Variants in SUPT3H observed in about 807,000 individuals in gnomAD.
SUPT3H encodes transcription initiation protein SPT3 homolog.
Under a neutral mutation model 44.3 loss-of-function variants are expected in SUPT3H, and 44 were observed. The observed-to-expected ratio is 0.99, with a 90% CI of 0.78 to 1.28. SUPT3H has a LOEUF of 1.28. Among genes scored for constraint, SUPT3H ranks in the 50% most tolerant of loss-of-function variants. The pLI is 0.00. For synonymous variants in SUPT3H, 124 were observed against 125.6 expected, an observed-to-expected ratio of 0.99 and a Z score of 0.09; for missense variants, 380 against 387.1, an observed-to-expected ratio of 0.98 and a Z score of 0.15.
intron 3 of SUPT3H, among the ~76,000 whole-genome samples, chr6:45,069,457 T>A (rs1341708416): frequency 6.6e-6 from 1 of 152,206 alleles, no homozygotes; most frequent in Non-Finnish European, 1.5e-5. Context: ...TCTGTGGTCC[T>A]AATATTACTT....
At chr6:44,860,112 T>C (rs1180004126) in intron 10 of SUPT3H, among the ~76,000 whole-genome samples, 1 of 152,208 alleles carries the variant, frequency 6.6e-6, no homozygotes, top group Non-Finnish European at 1.5e-5. Context: ...CTAAGTGGGC[T>C]GTCCCAAGGC....
chr6:45,335,305 G>T (rs1788335745), intron 2 of SUPT3H, among the ~76,000 whole-genome samples: 1 of 151,048 alleles, frequency 6.6e-6, no homozygotes, highest in Non-Finnish European at 1.5e-5. Context: ...TAAACAATGT[G>T]AATTTACTTT....
intron 2 of SUPT3H, among the ~76,000 whole-genome samples, chr6:45,249,462 A>AT (rs912594425): frequency 6.6e-6 from 1 of 151,832 alleles, no homozygotes; most frequent in African/African-American, 2.4e-5. Flanking sequence ...AAAAAAAAAA[A>AT]GGGAAAGGAA....
intron 2 of SUPT3H, among the ~76,000 whole-genome samples, chr6:45,331,663 T>A (rs1166519890): frequency 6.6e-6 from 1 of 151,944 alleles, no homozygotes; most frequent in Non-Finnish European, 1.5e-5. Flanking sequence ...TTTTTATTTT[T>A]AAAAAATGTT....
intron 2 of SUPT3H, among the ~76,000 whole-genome samples, chr6:45,336,180 A>C (rs983039581): frequency 9.5e-5 from 14 of 147,378 alleles, no homozygotes; most frequent in Non-Finnish European, 1.7e-4. Flanking sequence ...TTTAGAAGGA[A>C]AACTTAACAT....
At chr6:44,812,489 A>G (rs1017151954) in intron 11 of SUPT3H, among the ~76,000 whole-genome samples, 7 of 152,198 alleles carry the variant, frequency 4.6e-5, no homozygotes, top group Non-Finnish European at 1.5e-5. Context: ...CCATGTGGAT[A>G]ATCTAGGATA....
intron 10 of SUPT3H, among the ~76,000 whole-genome samples, chr6:44,903,895 C>G (rs1038887909): frequency 5.3e-5 from 8 of 152,010 alleles, no homozygotes; most frequent in African/African-American, 4.8e-5. Context: ...ATCAATAAAC[C>G]TAATCCAGCA....
chr6:44,849,568 A>C (rs977099857), intron 10 of SUPT3H, among the ~76,000 whole-genome samples: 21 of 152,172 alleles, frequency 1.4e-4, no homozygotes, highest in African/African-American at 4.8e-4. Context: ...GCCTATAATC[A>C]TGAGGATCTG....
intron 2 of SUPT3H, among the ~76,000 whole-genome samples, chr6:45,291,598 A>G (rs1472905231): frequency 1.3e-5 from 2 of 152,242 alleles, no homozygotes; most frequent in African/African-American, 2.4e-5. Context: ...GTATAAATAA[A>G]AAACAATCAA....
At chr6:45,339,122 C>G (rs575411909) in intron 2 of SUPT3H, among the ~76,000 whole-genome samples, 5 of 152,136 alleles carry the variant, frequency 3.3e-5, no homozygotes, top group African/African-American at 1.2e-4. Context: ...TATTGCTTGA[C>G]TATAAGGCTA....
intron 3 of SUPT3H, among the ~76,000 whole-genome samples, chr6:45,079,690 C>A (rs1424567126): frequency 2.6e-5 from 4 of 152,128 alleles, no homozygotes; most frequent in Non-Finnish European, 5.9e-5. Flanking sequence ...CAAGAACATA[C>A]ATTGGGCAAA....
intron 10 of SUPT3H, among the ~76,000 whole-genome samples, chr6:44,917,342 T>C (rs1045885245): frequency 6.6e-6 from 1 of 152,250 alleles, no homozygotes; most frequent in African/African-American, 2.4e-5. Flanking sequence ...TATTTGAGAC[T>C]GTATACACAT....
chr6:45,320,087 GA>G lies in SUPT3H; in HGVS notation c.101+45113del, dbSNP rs565748159. On this transcript the variant is annotated intron_variant, in intron 2 of 10. Transcript: ENST00000371459. ...GATGAACTTGCATGACTCAATTCAA[GA>G]GATGGTTATTACATACCATAGACAC... Among the ~76,000 whole-genome samples the G allele has an allele frequency of 1.7e-3, 252 of 152,040 alleles. 3 individuals are homozygous for G. The highest frequency in any genetic ancestry group is 5.9e-3 in the African/African-American group (246 of 41,472).
In SUPT3H at chr6:45,327,290, C is replaced by G. The variant is rs62400327; in HGVS notation, c.101+37911G>C. ...CCATTAGAAACAAAAAAATACATAG[C>G]TTCTGTTAACCCACTCTATTCTAAG... On this transcript the variant is annotated intron_variant, in intron 2 of 10. Coordinates refer to ENST00000371459, the MANE Select transcript of SUPT3H (RefSeq NM_003599.4). Among the ~76,000 whole-genome samples, 907 of 151,998 alleles carry G rather than the reference C, an allele frequency of 6.0e-3. 8 individuals carry two copies. The highest frequency in any genetic ancestry group is 7.9e-3 in the Non-Finnish European group (533 of 67,894).
chr6:44,866,766 G>A (rs763622625), intron 10 of SUPT3H, among the ~76,000 whole-genome samples: 2 of 151,578 alleles, frequency 1.3e-5, no homozygotes, highest in Non-Finnish European at 2.9e-5. Flanking sequence ...AGCCTTCAAT[G>A]GCTACTTGAG....
chr6:44,826,183 A>T (rs1438642065), downstream of SUPT3H, among the ~76,000 whole-genome samples: 1 of 152,176 alleles, frequency 6.6e-6, no homozygotes, highest in African/African-American at 2.4e-5. Flanking sequence ...TCACATTTAC[A>T]TCCAATTCCT....
At chr6:45,156,904 G>GA (rs951744421) in intron 2 of SUPT3H, among the ~76,000 whole-genome samples, 40 of 151,378 alleles carry the variant, frequency 2.6e-4, no homozygotes, top group African/African-American at 9.2e-4. Context: ...TGGTTTTAGT[G>GA]AAAAAAAAGT....
intron 5 of SUPT3H, among the ~76,000 whole-genome samples, chr6:45,012,394 T>G (rs77971312): frequency 0.033 from 5,029 of 152,130 alleles, 122 homozygotes; most frequent in Non-Finnish European, 0.05. Context: ...TTTAATGATG[T>G]CTTCAAGTTC....
rs879373261 is a variant in SUPT3H at position 44,829,637 on chromosome 6, A to G, written c.*179T>C. 19 of 653,340 alleles carry G rather than the reference A, an allele frequency of 2.9e-5. No homozygotes were observed. The highest frequency in any genetic ancestry group is 4.6e-5 in the Non-Finnish European group (17 of 370,936). 40.5% of individuals were successfully genotyped at this position (653,340 alleles called of 1,614,324 possible). On this transcript the variant is annotated 3_prime_UTR_variant, in exon 11 of 11. Coordinates refer to ENST00000371459, the MANE Select transcript of SUPT3H (RefSeq NM_003599.4). The stretch of plus-strand genomic sequence containing the variant: ...ATTAGCTGAACAGCCCATCTAGTAA[A>G]CAAGACCGATGGTTGAGGGGCTGGA...
Sources: gnomAD v4.1 joint callset for allele counts (sites outside exome capture counted in the v4.1 genomes callset) on GRCh38, gnomAD v4.1.1 for gene constraint, MANE v1.5 for transcripts, NCBI Gene and HGNC (gene_info 2026-07-23, HGNC 2026-07-21) for gene names.